The following ITCH variants were observed in gnomAD, a reference collection of about 807,000 sequenced individuals.
ITCH encodes the protein itchy E3 ubiquitin protein ligase.
ITCH carries 28 observed loss-of-function variants against 126.8 expected under a neutral mutation model. The observed-to-expected ratio is 0.22, with a 90% CI of 0.16 to 0.30. The LOEUF is 0.30. Among genes scored for constraint, ITCH ranks in the 10% least tolerant of loss-of-function variants. ITCH has a pLI of 1.00. For missense variants in ITCH, 631 were observed against 1,032.4 expected, an observed-to-expected ratio of 0.61 and a Z score of 5.33; for synonymous variants, 342 against 340.0, an observed-to-expected ratio of 1.01 and a Z score of -0.06.
chr20:34,439,802 C>G (rs1568942011), intron 8 of ITCH, among the ~76,000 whole-genome samples: 1 of 152,156 alleles, frequency 6.6e-6, no homozygotes, highest in African/African-American at 2.4e-5. Context: ...CACAGGAAAG[C>G]AGTTTTAAGG....
intron 19 of ITCH, 144 bp downstream of exon 19, chr20:34,480,876 T>C (rs971975800): frequency 5.2e-6 from 5 of 967,050 alleles, no homozygotes; most frequent in Admixed American, 5.5e-5. Flanking sequence ...TTATTCAATA[T>C]GATAAATTTT....
At chr20:34,446,261 C>G (rs150452849) in intron 11 of ITCH, among the ~76,000 whole-genome samples, 2 of 152,284 alleles carry the variant, frequency 1.3e-5, no homozygotes, top group East Asian at 3.9e-4. Flanking sequence ...CCTTAAGGAG[C>G]TCAGGAGAAA....
intron 14 of ITCH, among the ~76,000 whole-genome samples, chr20:34,463,560 C>T (rs1986738805): frequency 6.6e-6 from 1 of 151,494 alleles, no homozygotes; most frequent in Non-Finnish European, 1.5e-5. Flanking sequence ...CATTTCCACC[C>T]TAGTGCAGAA....
chr20:34,497,567 GTTGTTTTTGTTT>G lies in ITCH; in HGVS notation c.2416+4985_2416+4996del, dbSNP rs539473450. Among the ~76,000 whole-genome samples, 101 of 152,136 alleles carry G rather than the reference GTTGTTTTTGTTT, an allele frequency of 6.6e-4. 1 individual carries two copies. The South Asian group carries it at 0.011, about 16-fold the overall frequency. ...TCTATTTCTGTGAAGAATGTCATTGGTTGTTTTTGTTTTTGTTTTTGTTTTTTGAGATGGAAT... is the reference window on the plus strand; with the variant it reads ...TCTATTTCTGTGAAGAATGTCATTGGTTGTTTTTGTTTTTTGAGATGGAAT... On this transcript the variant is annotated intron_variant, in intron 23 of 24. Transcript: ENST00000374864.
intron 11 of ITCH, among the ~76,000 whole-genome samples, chr20:34,447,809 T>C (rs1253758835): frequency 6.6e-6 from 1 of 152,146 alleles, no homozygotes; most frequent in African/African-American, 2.4e-5. Context: ...AGTTATTATA[T>C]CAGTAGTGTA....
At chr20:34,406,844 T>G (rs956363075) in intron 3 of ITCH, among the ~76,000 whole-genome samples, 7 of 152,270 alleles carry the variant, frequency 4.6e-5, no homozygotes, top group East Asian at 1.9e-4. Context: ...ATATTAAGCT[T>G]CTTAAGTAGT....
intron 20 of ITCH, among the ~76,000 whole-genome samples, chr20:34,487,152 C>T (rs1989185819): frequency 6.6e-6 from 1 of 151,612 alleles, no homozygotes; most frequent in African/African-American, 2.4e-5. Context: ...GCTGGGACTA[C>T]AGGCGCCTGC....
At chr20:34,397,750 T>A (rs924866273) in intron 3 of ITCH, among the ~76,000 whole-genome samples, 1 of 152,010 alleles carries the variant, frequency 6.6e-6, no homozygotes, top group Non-Finnish European at 1.5e-5. Context: ...CCCCTCATCC[T>A]CAATCTAGCT....
intron 3 of ITCH, among the ~76,000 whole-genome samples, chr20:34,399,700 G>A (rs1000929733): frequency 3.9e-5 from 6 of 151,974 alleles, no homozygotes; most frequent in African/African-American, 1.2e-4. Context: ...AATTAGCCAG[G>A]TGTGGTCATA....
At chr20:34,445,563 G>A in intron 11 of ITCH, 102 bp downstream of exon 11, 2 of 1,113,668 alleles carry the variant, frequency 1.8e-6, no homozygotes, top group Admixed American at 1.8e-5. Context: ...AAGTAGCATG[G>A]CAACCCAGTT....
chr20:34,494,225 A>G (rs1989711591), intron 23 of ITCH, among the ~76,000 whole-genome samples: 1 of 152,218 alleles, frequency 6.6e-6, no homozygotes, highest in Non-Finnish European at 1.5e-5. Flanking sequence ...GTGAGACTCC[A>G]TCTCAAAGGA....
chr20:34,389,019 A>T (rs2038391930), intron 2 of ITCH, among the ~76,000 whole-genome samples: 1 of 152,126 alleles, frequency 6.6e-6, no homozygotes, highest in African/African-American at 2.4e-5. Flanking sequence ...ATATGTGGGG[A>T]TTGCTTCTAG....
intron 2 of ITCH, among the ~76,000 whole-genome samples, chr20:34,378,023 CTT>C (rs78903106): frequency 1.0e-4 from 15 of 144,304 alleles, no homozygotes; most frequent in Admixed American, 2.8e-4. Context: ...TCTCATGAAA[CTT>C]TTTTTTTTTT....
chr20:34,366,629 G>A (rs1466669644), intron 1 of ITCH, among the ~76,000 whole-genome samples: 1 of 152,060 alleles, frequency 6.6e-6, no homozygotes, highest in African/African-American at 2.4e-5. Context: ...CAGTTTGGGA[G>A]GCTGAGGCGG....
Position 34,477,753 on chromosome 20 carries a change from T to C in ITCH, c.1570-19T>C. The C allele has an allele frequency of 1.9e-6, 3 of 1,611,594 alleles. No individual in the cohort carries two copies. The highest frequency in any genetic ancestry group is 2.5e-6 in the Non-Finnish European group (3 of 1,178,040). On this transcript the variant is annotated intron_variant, in intron 16 of 24. Coordinates refer to ENST00000374864, the MANE Select transcript of ITCH (RefSeq NM_031483.7). ...TCAATAGCTTTTTTCACCAATTATT[T>C]TACTTTATTTTTTTTTAGATAATGA...
intron 3 of ITCH, among the ~76,000 whole-genome samples, chr20:34,399,795 C>G (rs879375620): frequency 6.6e-6 from 1 of 151,968 alleles, no homozygotes. Flanking sequence ...AAGCCAAGAT[C>G]GCACCCCTAC....
At chr20:34,402,244 G>T (rs4142007) in intron 3 of ITCH, 682,803 of 1,344,344 alleles carry the variant, frequency 0.51, 175,887 homozygotes, top group Admixed American at 0.7. Context: ...TTCTTTGTGA[G>T]TGCAGAACAC....
rs540547732 is a variant in ITCH at position 34,373,279 on chromosome 20, AT to A, written c.-22+3825del. Among the ~76,000 whole-genome samples the A allele has an allele frequency of 6.7e-3, 845 of 126,580 alleles. 1 individual carries two copies. Among genetic ancestry groups the A allele is most frequent in the African/African-American group, 9.7e-3 (330 of 34,174 alleles). The allele number at this position is 126,580 out of a possible 152,430, so 83.0% of individuals were successfully genotyped here. On this transcript the variant is annotated intron_variant, in intron 2 of 24. Transcript: ENST00000374864. ...TAAGCCACTGCACCTGGCCAAATGTATTTTTTTTTTTTTTTTGAGGCAGAGT... is the reference window on the plus strand; with the variant it reads ...TAAGCCACTGCACCTGGCCAAATGTATTTTTTTTTTTTTTTGAGGCAGAGT...
At position 34,390,443 on chromosome 20, in the gene ITCH, CTTTTTTTTTTT is replaced by C. The variant is rs546555130; in HGVS notation, c.-21-3333_-21-3323del. Among the ~76,000 whole-genome samples the C allele has an allele frequency of 7.1e-3, 645 of 90,816 alleles. 5 individuals are homozygous for C. The highest frequency in any genetic ancestry group is 0.024 in the African/African-American group (609 of 25,802). 59.6% of individuals were successfully genotyped at this position (90,816 alleles called of 152,430 possible). A position where few individuals can be genotyped will look rare whatever the true frequency, so the allele number is the denominator to read the frequency against. ...ATGGTATAGAATTGACAAGAATAATCTTTTTTTTTTTTTTTTTTTTTTTTTGAGATGAAGTC... is the reference window on the plus strand; with the variant it reads ...ATGGTATAGAATTGACAAGAATAATCTTTTTTTTTTTTTTGAGATGAAGTC... On this transcript the variant is annotated intron_variant, in intron 2 of 24. Coordinates refer to ENST00000374864, the MANE Select transcript of ITCH (RefSeq NM_031483.7).
Sources: allele counts gnomAD v4.1 joint callset (sites outside exome capture counted in the v4.1 genomes callset), GRCh38; gene constraint gnomAD v4.1.1; transcripts MANE v1.5; gene names NCBI Gene and HGNC (gene_info 2026-07-23, HGNC 2026-07-21).